XKR9: variants seen among roughly 807,000 people sequenced by gnomAD.
XKR9 encodes XK-related protein 9.
XKR9 carries 32 observed loss-of-function variants against 32.0 expected under a neutral mutation model. That is an observed-to-expected ratio of 1.00 (90% CI 0.76 to 1.34). The LOEUF (loss-of-function observed/expected upper bound fraction) is 1.34, where lower values mean the gene tolerates loss of function less well. XKR9 is among the 40% of genes most tolerant of loss of function. The pLI, the probability that XKR9 is intolerant of heterozygous loss-of-function variation, is 0.00. For missense variants in XKR9, 546 were observed against 429.7 expected (o/e 1.27, Z -2.39); for synonymous variants, 168 against 143.4 (o/e 1.17, Z -1.22).
chr8:70,759,596 G>A (rs755827523), intron 2 of XKR9, among the ~76,000 whole-genome samples: 1 of 152,074 alleles, frequency 6.6e-6, no homozygotes, highest in Non-Finnish European at 1.5e-5. Flanking sequence ...ATTTTCAGTA[G>A]GTTAAATTAA....
chr8:70,803,370 G>T, the XKR9 span, among the ~76,000 whole-genome samples: 2 of 152,022 alleles, frequency 1.3e-5, no homozygotes, highest in Non-Finnish European at 2.9e-5. Flanking sequence ...AGATTCCTTG[G>T]ATTGGGTTTC....
the XKR9 span, among the ~76,000 whole-genome samples, chr8:70,964,994 A>T: frequency 2.0e-5 from 3 of 152,034 alleles, no homozygotes. Flanking sequence ...GTTGAGTAGG[A>T]GTGGTGAGAG....
the XKR9 span, among the ~76,000 whole-genome samples, chr8:71,059,129 T>G: frequency 1.3e-5 from 2 of 152,230 alleles, no homozygotes; most frequent in Non-Finnish European, 2.9e-5. Context: ...TGAAAACCAG[T>G]TTTAAATGAT....
Position 70,716,800 on chromosome 8 carries a change from C to A in XKR9, c.493+9647C>A, listed in dbSNP as rs551430261. ...CCCTCAAAATGTTAGCTCATCCCAGCTTTAACCTAAAAGTCCAAGTCTGAA... is the reference window on the plus strand; with the variant it reads ...CCCTCAAAATGTTAGCTCATCCCAGATTTAACCTAAAAGTCCAAGTCTGAA... On this transcript the variant is annotated intron_variant, in intron 4 of 4. Transcript: ENST00000408926. Among the ~76,000 whole-genome samples, 4 of 152,308 alleles carry A rather than the reference C, an allele frequency of 2.6e-5. No homozygotes were observed. The South Asian group carries it at 8.3e-4, about 32-fold the overall frequency.
chr8:70,750,842 T>C (rs538970379), intron 2 of XKR9, among the ~76,000 whole-genome samples: 1 of 152,358 alleles, frequency 6.6e-6, no homozygotes, highest in South Asian at 2.1e-4. Context: ...GGCTGGGCCA[T>C]GATGCCCAGG....
At chr8:70,676,279 A>G (rs532896940) in intron 2 of XKR9, among the ~76,000 whole-genome samples, 1 of 152,314 alleles carries the variant, frequency 6.6e-6, no homozygotes, top group Non-Finnish European at 1.5e-5. Context: ...CCTATGACCC[A>G]AAACCTCCAA....
At chr8:70,842,834 T>C in the XKR9 span, among the ~76,000 whole-genome samples, 8 of 152,344 alleles carry the variant, frequency 5.3e-5, 1 homozygote, top group East Asian at 1.5e-3. Context: ...ATTACTGAGC[T>C]TTTGAGGCTC....
the XKR9 span, among the ~76,000 whole-genome samples, chr8:70,812,307 T>C: frequency 1.3e-5 from 2 of 152,164 alleles, no homozygotes; most frequent in Non-Finnish European, 2.9e-5. Context: ...TAATAAGAGC[T>C]ATGTACGACA....
the XKR9 span, among the ~76,000 whole-genome samples, chr8:70,924,899 A>C: frequency 6.6e-6 from 1 of 152,378 alleles, no homozygotes; most frequent in East Asian, 1.9e-4. Context: ...AAAACAAGTC[A>C]CTTGAAGGAT....
the XKR9 span, among the ~76,000 whole-genome samples, chr8:70,852,422 C>T: frequency 6.6e-6 from 1 of 152,046 alleles, no homozygotes. Flanking sequence ...ATATACCCAG[C>T]AATCCCATTA....
At chr8:71,051,415 G>A in the XKR9 span, among the ~76,000 whole-genome samples, 3 of 152,044 alleles carry the variant, frequency 2.0e-5, no homozygotes, top group African/African-American at 7.2e-5. Context: ...GGCCTTTTCT[G>A]TTGAAAACAA....
At chr8:70,832,810 C>T in the XKR9 span, among the ~76,000 whole-genome samples, 1 of 152,156 alleles carries the variant, frequency 6.6e-6, no homozygotes, top group Non-Finnish European at 1.5e-5. Context: ...CCTAATAGCA[C>T]TTATCATGAT....
downstream of XKR9, among the ~76,000 whole-genome samples, chr8:70,792,865 C>A (rs1306066572): frequency 6.6e-6 from 1 of 152,170 alleles, no homozygotes; most frequent in African/African-American, 2.4e-5. Flanking sequence ...AGAAAGCTAT[C>A]TATGTACCAG....
At chr8:70,738,232 T>C (rs1367955534), downstream of XKR9, among the ~76,000 whole-genome samples, 6 of 140,120 alleles carry the variant, frequency 4.3e-5, no homozygotes, top group East Asian at 1.2e-3. Context: ...ATCCATTTCT[T>C]CTAGATTTTC....
At chr8:70,814,882 T>C in the XKR9 span, among the ~76,000 whole-genome samples, 1 of 152,192 alleles carries the variant, frequency 6.6e-6, no homozygotes, top group Admixed American at 6.5e-5. Context: ...CTTTGATAAA[T>C]GAATTCAGTA....
the XKR9 span, among the ~76,000 whole-genome samples, chr8:70,809,755 A>G: frequency 6.6e-6 from 1 of 152,188 alleles, no homozygotes; most frequent in Non-Finnish European, 1.5e-5. Flanking sequence ...AAAAGAATAA[A>G]AAGAAACAAA....
At chr8:70,704,408 T>C (rs1454575682) in intron 3 of XKR9, among the ~76,000 whole-genome samples, 1 of 152,128 alleles carries the variant, frequency 6.6e-6, no homozygotes, top group African/African-American at 2.4e-5. Context: ...GCACTATCTG[T>C]TTTGTTTTTA....
At position 70,734,586 on chromosome 8, in the gene XKR9, T is replaced by A; in HGVS notation, c.*162T>A. The A allele has an allele frequency of 1.0e-6, 1 of 996,866 alleles. No individual in the cohort carries two copies. Among genetic ancestry groups the A allele is most frequent in the African/African-American group, 1.7e-5 (1 of 59,156 alleles). The allele number at this position is 996,866 out of a possible 1,614,324, so 61.8% of individuals were successfully genotyped here. A position where few individuals can be genotyped will look rare whatever the true frequency, so the allele number is the denominator to read the frequency against. ...AGTAGTATTTTATTTTTAAAATTAATTTCTCATTTGGTTTTGAAGATCTTG... is the reference window on the plus strand; with the variant it reads ...AGTAGTATTTTATTTTTAAAATTAAATTCTCATTTGGTTTTGAAGATCTTG... On this transcript the variant is annotated 3_prime_UTR_variant, in exon 5 of 5. Transcript: ENST00000408926.
chr8:70,942,548 T>A, the XKR9 span, among the ~76,000 whole-genome samples: 2 of 152,056 alleles, frequency 1.3e-5, no homozygotes, highest in Non-Finnish European at 2.9e-5. Flanking sequence ...CACAGCCCAT[T>A]TCATGATTTT....
Sources: gnomAD v4.1 joint callset for allele counts (sites outside exome capture counted in the v4.1 genomes callset) on GRCh38, gnomAD v4.1.1 for gene constraint, MANE v1.5 for transcripts, NCBI Gene and HGNC (gene_info 2026-07-23, HGNC 2026-07-21) for gene names.